ZHX2: variants seen among roughly 807,000 people sequenced by gnomAD.
ZHX2 encodes the protein zinc fingers and homeoboxes protein 2.
ZHX2 carries 6 observed loss-of-function variants against 21.9 expected under a neutral mutation model. That is an observed-to-expected ratio of 0.27 (90% CI 0.15 to 0.54). ZHX2 has a LOEUF of 0.54. Among genes scored for constraint, ZHX2 ranks in the 20% least tolerant of loss-of-function variants. ZHX2 has a pLI of 0.95. For missense variants in ZHX2, 908 were observed against 1,090.7 expected (o/e 0.83, Z 2.36); for synonymous variants, 434 against 437.1 (o/e 0.99, Z 0.09).
chr8:122,793,851 G>T (rs886668772), intron 1 of ZHX2, among the ~76,000 whole-genome samples: 3 of 152,180 alleles, frequency 2.0e-5, no homozygotes, highest in Non-Finnish European at 2.9e-5. Context: ...GGGACCAATG[G>T]CATCAGACCT....
intron 1 of ZHX2, among the ~76,000 whole-genome samples, chr8:122,814,070 A>G (rs973671330): frequency 2.0e-5 from 3 of 151,878 alleles, no homozygotes; most frequent in Admixed American, 6.6e-5. Flanking sequence ...TGGAACCCCA[A>G]TCCAGACCCA....
In ZHX2 at chr8:122,951,590, T is replaced by C; in HGVS notation, c.80T>C (p.Val27Ala). Residue 27 changes from valine to alanine, a missense_variant, in exon 3 of 4, where the codon GTA (valine) becomes GCA (alanine). Around this residue, in one of 4 missense-constraint regions of ZHX2, gnomAD observed 25 missense variants for 48.9 expected, o/e 0.51. Coordinates refer to ENST00000314393, the MANE Select transcript of ZHX2 (RefSeq NM_014943.5). ...QVVEQDVPEE[V>A]DRAKEKGIGT... ...GTAGAACAAGATGTGCCCGAGGAAG[T>C]AGACAGGGCCAAAGAGAAAGGAATC... 4 of 1,613,690 alleles carry C rather than the reference T, an allele frequency of 2.5e-6. No homozygotes were observed. Among genetic ancestry groups the C allele is most frequent in the South Asian group, 1.1e-5 (1 of 91,012 alleles).
chr8:122,931,503 A>T (rs1259218384), intron 2 of ZHX2, among the ~76,000 whole-genome samples: 2 of 152,244 alleles, frequency 1.3e-5, no homozygotes, highest in Non-Finnish European at 2.9e-5. Flanking sequence ...AATATTTATT[A>T]GTTCAGCTTA....
intron 2 of ZHX2, among the ~76,000 whole-genome samples, chr8:122,922,144 T>C (rs1395623765): frequency 1.3e-5 from 2 of 152,060 alleles, no homozygotes; most frequent in African/African-American, 2.4e-5. Context: ...GTTTTAGAAC[T>C]GTTTTCCCCA....
intron 1 of ZHX2, among the ~76,000 whole-genome samples, chr8:122,857,879 G>A (rs115519948): frequency 0.017 from 2,563 of 152,332 alleles, 67 homozygotes; most frequent in African/African-American, 0.058. Flanking sequence ...GGGCCTCCTG[G>A]AACAGAGCCA....
chr8:122,795,329 C>T (rs890356904), intron 1 of ZHX2, among the ~76,000 whole-genome samples: 3 of 152,238 alleles, frequency 2.0e-5, no homozygotes, highest in Non-Finnish European at 4.4e-5. Context: ...AGTTCAGGTG[C>T]TTTTGGCCTA....
At chr8:122,831,989 T>C (rs1390433252) in intron 1 of ZHX2, among the ~76,000 whole-genome samples, 1 of 152,180 alleles carries the variant, frequency 6.6e-6, no homozygotes, top group Non-Finnish European at 1.5e-5. Context: ...ATAGCCAGCA[T>C]TCTGGTGTCC....
intron 2 of ZHX2, among the ~76,000 whole-genome samples, chr8:122,895,747 A>AG (rs1820084135): frequency 6.6e-6 from 1 of 151,798 alleles, no homozygotes; most frequent in African/African-American, 2.4e-5. Context: ...TGTGGGGAAA[A>AG]AAAAAAAAAA....
chr8:122,874,142 C>T (rs1480281537), intron 2 of ZHX2, among the ~76,000 whole-genome samples: 1 of 152,100 alleles, frequency 6.6e-6, no homozygotes, highest in African/African-American at 2.4e-5. Context: ...TGCCTGTGAA[C>T]CATGCGTTGA....
At chr8:122,901,938 C>T (rs560039052) in intron 2 of ZHX2, among the ~76,000 whole-genome samples, 50 of 152,154 alleles carry the variant, frequency 3.3e-4, no homozygotes, top group African/African-American at 1.2e-3. Flanking sequence ...GAAAAATATG[C>T]TCCAGTAGAA....
chr8:122,879,731 C>T (rs556691672), intron 2 of ZHX2, among the ~76,000 whole-genome samples: 57 of 152,232 alleles, frequency 3.7e-4, no homozygotes, highest in African/African-American at 1.2e-3. Context: ...CCTCGGGCCA[C>T]GTTCCCACAC....
At chr8:122,832,489 G>A (rs943653288) in intron 1 of ZHX2, among the ~76,000 whole-genome samples, 1 of 152,266 alleles carries the variant, frequency 6.6e-6, no homozygotes, top group Admixed American at 6.5e-5. Flanking sequence ...GCCGTTCGTC[G>A]GTATAGAGGG....
chr8:122,814,232 A>G (rs990199797), intron 1 of ZHX2, among the ~76,000 whole-genome samples: 1 of 152,222 alleles, frequency 6.6e-6, no homozygotes, highest in African/African-American at 2.4e-5. Flanking sequence ...AATATTAAGT[A>G]AGCCAGTTGC....
intron 2 of ZHX2, among the ~76,000 whole-genome samples, chr8:122,949,001 T>C (rs1813043487): frequency 6.6e-6 from 1 of 152,090 alleles, no homozygotes. Context: ...ATGTTAAACG[T>C]TAAAAAATAT....
At chr8:122,786,106 T>TAAC (rs1178061169) in intron 1 of ZHX2, among the ~76,000 whole-genome samples, 1 of 152,206 alleles carries the variant, frequency 6.6e-6, no homozygotes, top group African/African-American at 2.4e-5. Flanking sequence ...AATCCAAACT[T>TAAC]AACCTGATGT....
rs145525307 is a variant in ZHX2, at chr8:122,825,229, C to T, written c.-282-38248C>T. 2.6e-5 allele frequency among the ~76,000 whole-genome samples: 4 copies of T among 152,334 alleles called. No individual in the cohort carries two copies. The East Asian group carries it at 7.7e-4, about 29-fold the overall frequency. On this transcript the variant is annotated intron_variant, in intron 1 of 3. Transcript: ENST00000314393. ...CACCATCTGCCTGTTGGTATATCCT[C>T]TTGCACATGCACATTCTCCCCTGAT...
At chr8:122,811,962 C>T (rs1196823606) in intron 1 of ZHX2, 1 of 152,194 alleles carries the variant, frequency 6.6e-6, no homozygotes, top group African/African-American at 2.4e-5. Flanking sequence ...GAGATTCCTT[C>T]TCTCATGGAA....
chr8:122,903,298 G>T (rs1586374755), intron 2 of ZHX2, among the ~76,000 whole-genome samples: 1 of 152,166 alleles, frequency 6.6e-6, no homozygotes, highest in African/African-American at 2.4e-5. Context: ...ACAGGCAGGG[G>T]CCTTTAGTTA....
intron 1 of ZHX2, among the ~76,000 whole-genome samples, chr8:122,846,894 G>T (rs963761511): frequency 6.6e-6 from 1 of 152,080 alleles, no homozygotes; most frequent in Non-Finnish European, 1.5e-5. Flanking sequence ...GGTGTGTTTA[G>T]CTCTATTTGA....
Sources: gnomAD v4.1 joint callset for allele counts (sites outside exome capture counted in the v4.1 genomes callset) on GRCh38, gnomAD v4.1.1 for gene constraint, gnomAD v4.1.1 regional missense constraint, MANE v1.5 for transcripts, NCBI Gene and HGNC (gene_info 2026-07-23, HGNC 2026-07-21) for gene names.